The following DISC1 variants were observed in gnomAD, a reference collection of about 807,000 sequenced individuals.
DISC1 encodes the protein DISC1 scaffold protein.
Under a neutral mutation model 84.5 loss-of-function variants are expected in DISC1, and 57 were observed. The ratio of observed to expected loss-of-function variants is 0.67; its 90% CI spans 0.55 to 0.84. DISC1 has a LOEUF of 0.84. DISC1 is among the 40% of genes least tolerant of loss of function. DISC1 has a pLI of 0.00. For missense variants in DISC1, 1,000 were observed against 1,057.8 expected (o/e 0.95, Z 0.76); for synonymous variants, 411 against 415.2 (o/e 0.99, Z 0.12).
At chr1:231,938,898 G>A (rs569156846) in intron 9 of DISC1, among the ~76,000 whole-genome samples, 1 of 152,274 alleles carries the variant, frequency 6.6e-6, no homozygotes, top group South Asian at 2.1e-4. Flanking sequence ...AACTCTGCCA[G>A]CTGACAAAAC....
chr1:231,782,310 A>T (rs1452012221), intron 6 of DISC1, among the ~76,000 whole-genome samples: 1 of 152,164 alleles, frequency 6.6e-6, no homozygotes, highest in East Asian at 1.9e-4. Context: ...CTTATCCAAT[A>T]AAGTATGTCC....
At chr1:231,737,123 A>G (rs532874403) in intron 3 of DISC1, among the ~76,000 whole-genome samples, 1 of 152,376 alleles carries the variant, frequency 6.6e-6, no homozygotes, top group African/African-American at 2.4e-5. Flanking sequence ...GTAGCATAAA[A>G]AATAACATCC....
At chr1:232,013,453 G>T (rs1328779160) in intron 11 of DISC1, among the ~76,000 whole-genome samples, 2 of 152,106 alleles carry the variant, frequency 1.3e-5, no homozygotes, top group Admixed American at 1.3e-4. Flanking sequence ...CGGGTGGAAA[G>T]GTGTGATACC....
At chr1:231,948,933 G>T (rs546800931) in intron 9 of DISC1, among the ~76,000 whole-genome samples, 3 of 143,248 alleles carry the variant, frequency 2.1e-5, no homozygotes, top group African/African-American at 7.8e-5. Context: ...GCAGTGGTGC[G>T]ATCTCGGCTC....
chr1:231,902,622 A>G (rs976909852), intron 9 of DISC1, among the ~76,000 whole-genome samples: 7 of 152,040 alleles, frequency 4.6e-5, no homozygotes, highest in African/African-American at 1.7e-4. Flanking sequence ...AAAACTCATT[A>G]TCTTAGTGTC....
chr1:231,910,594 A>C (rs2089116989), intron 9 of DISC1, among the ~76,000 whole-genome samples: 1 of 152,202 alleles, frequency 6.6e-6, no homozygotes, highest in African/African-American at 2.4e-5. Flanking sequence ...TTTACTTCCA[A>C]CTATGTGGTC....
At chr1:231,851,242 C>T (rs2083875635) in intron 9 of DISC1, among the ~76,000 whole-genome samples, 1 of 152,174 alleles carries the variant, frequency 6.6e-6, no homozygotes, top group Non-Finnish European at 1.5e-5. Context: ...ACTTTAAGTG[C>T]TAACAATCCA....
At chr1:231,971,637 G>A (rs1321756262) in intron 10 of DISC1, among the ~76,000 whole-genome samples, 2 of 152,264 alleles carry the variant, frequency 1.3e-5, no homozygotes, top group East Asian at 3.9e-4. Flanking sequence ...TTAGGTGCTG[G>A]GCTGTATCCC....
chr1:231,903,731 T>A (rs1223006297), intron 9 of DISC1, among the ~76,000 whole-genome samples: 1 of 152,156 alleles, frequency 6.6e-6, no homozygotes, highest in Non-Finnish European at 1.5e-5. Flanking sequence ...GCTAGGAGGC[T>A]CAAGTGAAAC....
chr1:231,767,649 C>T (rs2076265632), intron 5 of DISC1, among the ~76,000 whole-genome samples: 1 of 152,132 alleles, frequency 6.6e-6, no homozygotes, highest in African/African-American at 2.4e-5. Flanking sequence ...TCTTTGCTTT[C>T]CTTGAGTGTA....
At chr1:231,749,850 G>A in intron 3 of DISC1, 76 bp from the exon 4 acceptor site, 3 of 1,596,846 alleles carry the variant, frequency 1.9e-6, no homozygotes, top group Non-Finnish European at 2.6e-6. Flanking sequence ...TACAACTGGA[G>A]CTAAGAGACA....
At chr1:231,664,196 C>T (rs2061813099) in intron 1 of DISC1, among the ~76,000 whole-genome samples, 1 of 152,014 alleles carries the variant, frequency 6.6e-6, no homozygotes, top group African/African-American at 2.4e-5. Context: ...CAAAATTACC[C>T]AACTCACACA....
At chr1:231,908,952 C>T (rs949251297) in intron 9 of DISC1, among the ~76,000 whole-genome samples, 5 of 152,152 alleles carry the variant, frequency 3.3e-5, no homozygotes, top group Non-Finnish European at 7.3e-5. Context: ...GGAGTTCACT[C>T]ATGATCTGGC....
At chr1:231,911,144 G>A (rs1363612841) in intron 9 of DISC1, among the ~76,000 whole-genome samples, 1 of 152,256 alleles carries the variant, frequency 6.6e-6, no homozygotes, top group African/African-American at 2.4e-5. Context: ...GCCAGTCTGT[G>A]TCTTTTAATT....
chr1:231,994,991 T>A (rs944926961), intron 10 of DISC1, among the ~76,000 whole-genome samples: 1 of 152,184 alleles, frequency 6.6e-6, no homozygotes, highest in Non-Finnish European at 1.5e-5. Flanking sequence ...ATGTTCCTCG[T>A]TAAATACTCT....
chr1:231,818,134 T>C (rs2081209434), intron 8 of DISC1, among the ~76,000 whole-genome samples, 195 bp from the exon 9 acceptor site: 1 of 152,182 alleles, frequency 6.6e-6, no homozygotes, highest in Non-Finnish European at 1.5e-5. Context: ...AAAAAGACGG[T>C]GATTTTTCCA....
chr1:231,782,380 T>C (rs1307234328), intron 6 of DISC1, among the ~76,000 whole-genome samples: 13 of 152,180 alleles, frequency 8.5e-5, no homozygotes, highest in Admixed American at 8.5e-4. Flanking sequence ...TCCCCAGTTT[T>C]AGGAATCAGG....
chr1:231,876,798 A>AT (rs1558680895), intron 9 of DISC1, among the ~76,000 whole-genome samples: 1 of 152,200 alleles, frequency 6.6e-6, no homozygotes, highest in Non-Finnish European at 1.5e-5. Flanking sequence ...ATCATGACTG[A>AT]TTCTTTTCTG....
chr1:231,759,526 C>CAAAAAAAAAAAAA, intron 4 of DISC1, among the ~76,000 whole-genome samples: 1 of 48,290 alleles, frequency 2.1e-5, no homozygotes, highest in Non-Finnish European at 3.4e-5. Context: ...CCCATCTCTA[C>CAAAAAAAAAAAAA]AAAAAAAAAA....
Sources: gnomAD v4.1 joint callset for allele counts (sites outside exome capture counted in the v4.1 genomes callset) on GRCh38, gnomAD v4.1.1 for gene constraint, MANE v1.5 for transcripts, NCBI Gene and HGNC (gene_info 2026-07-23, HGNC 2026-07-21) for gene names.